The following CRLF3 variants were observed in gnomAD, a reference collection of about 807,000 sequenced individuals.
CRLF3 encodes the protein cytokine receptor like factor 3, also known as cytokine receptor-like factor 3.
In CRLF3, 33 loss-of-function variants were observed where a neutral mutation model predicts 55.0. The observed-to-expected ratio is 0.60, with a 90% CI of 0.46 to 0.80. CRLF3 has a LOEUF of 0.80. Ranked by LOEUF, CRLF3 falls within the 30% of genes least tolerant of loss-of-function variation. CRLF3 has a pLI of 0.00. For missense variants in CRLF3, 494 were observed against 538.4 expected (o/e 0.92, Z 0.82); for synonymous variants, 238 against 196.8 (o/e 1.21, Z -1.75).
At chr17:30,793,318 T>C (rs1287106652) in intron 5 of CRLF3, 132 bp downstream of exon 5, 8 of 653,304 alleles carry the variant, frequency 1.2e-5, no homozygotes, top group East Asian at 8.2e-5. Context: ...GTAAAAGACA[T>C]GGTGCATGTT....
At chr17:30,791,916 A>C (rs1324125830) in intron 6 of CRLF3, among the ~76,000 whole-genome samples, 1 of 150,804 alleles carries the variant, frequency 6.6e-6, no homozygotes, top group East Asian at 2.0e-4. Context: ...GCATGATCTC[A>C]GCTCACTGCA....
rs1227243033 is a variant in CRLF3 at position 30,783,677 on chromosome 17, A to G, written c.*510T>C. 1 of 152,508 alleles carries G rather than the reference A, an allele frequency of 6.6e-6. No individual in the cohort carries two copies. Among genetic ancestry groups the G allele is most frequent in the African/African-American group, 2.4e-5 (1 of 41,450 alleles). 9.4% of individuals were successfully genotyped at this position (152,508 alleles called of 1,614,324 possible). ...CTTAAAGATTACTGAAGAGGGGATAAAAGTCAACACTGCTTACAAATACCT... is the reference window on the plus strand; with the variant it reads ...CTTAAAGATTACTGAAGAGGGGATAGAAGTCAACACTGCTTACAAATACCT... On this transcript the variant is annotated 3_prime_UTR_variant, in exon 8 of 8. Transcript: ENST00000324238.
chr17:30,793,904 T>C (rs1211638626), intron 4 of CRLF3, among the ~76,000 whole-genome samples: 1 of 152,058 alleles, frequency 6.6e-6, no homozygotes, highest in Non-Finnish European at 1.5e-5. Context: ...AGTGGCGTGA[T>C]CTCGGCTTAT....
intron 1 of CRLF3, among the ~76,000 whole-genome samples, chr17:30,815,613 G>A (rs903054786): frequency 6.2e-5 from 9 of 145,432 alleles, no homozygotes; most frequent in Non-Finnish European, 1.2e-4. Flanking sequence ...GCGCAATCTC[G>A]GCTCACTGCA....
intron 1 of CRLF3, among the ~76,000 whole-genome samples, chr17:30,805,139 C>T (rs191399988): frequency 3.0e-4 from 45 of 152,070 alleles, no homozygotes; most frequent in African/African-American, 1.1e-3. Flanking sequence ...TCCAAGATTG[C>T]GCCACTGCAC....
intron 4 of CRLF3, among the ~76,000 whole-genome samples, chr17:30,795,655 G>C (rs74701527): frequency 1.3e-5 from 2 of 151,862 alleles, no homozygotes; most frequent in Non-Finnish European, 2.9e-5. Context: ...AAAAAAAAAG[G>C]CCAGGCACGG....
At chr17:30,791,000 C>G (rs993107748) in intron 6 of CRLF3, 1 of 152,226 alleles carries the variant, frequency 6.6e-6, no homozygotes, top group African/African-American at 2.4e-5. Flanking sequence ...CTCACTGTAA[C>G]CTCTGCCTCC....
chr17:30,821,261 G>T (rs1904987810), intron 1 of CRLF3, among the ~76,000 whole-genome samples: 1 of 150,588 alleles, frequency 6.6e-6, no homozygotes, highest in South Asian at 2.1e-4. Flanking sequence ...GATCACTTGA[G>T]CCTGAGAGGC....
chr17:30,811,027 T>TC (rs1904599927), intron 1 of CRLF3, among the ~76,000 whole-genome samples: 2 of 152,080 alleles, frequency 1.3e-5, no homozygotes, highest in African/African-American at 4.8e-5. Context: ...AGGTTGAGGC[T>TC]TCAGTGGGTG....
rs558894208 is a variant in CRLF3 at position 30,785,791 on chromosome 17, A to C, written c.1072+128T>G. 5.1e-6 allele frequency: 3 copies of C among 584,790 alleles called. No individual in the cohort carries two copies. In the Admixed American group the frequency reaches 9.6e-5, roughly 19 times the overall value. The allele number at this position is 584,790 out of a possible 1,614,324, so 36.2% of individuals were successfully genotyped here. A position where few individuals can be genotyped will look rare whatever the true frequency, so the allele number is the denominator to read the frequency against. On this transcript the variant is annotated intron_variant, in intron 7 of 7. Coordinates refer to ENST00000324238, the MANE Select transcript of CRLF3 (RefSeq NM_015986.4). ...AGTGAGACTTCATAATAAAAAAAAAAAAAAAGAAAAAGAAAAATACCTAAA... is the reference window on the plus strand; with the variant it reads ...AGTGAGACTTCATAATAAAAAAAAACAAAAAGAAAAAGAAAAATACCTAAA...
chr17:30,797,805 T>G (rs1273204892), intron 2 of CRLF3, among the ~76,000 whole-genome samples: 4 of 150,444 alleles, frequency 2.7e-5, no homozygotes, highest in East Asian at 3.9e-4. Flanking sequence ...GACTGGGTCT[T>G]GTTCTGTCAC....
At chr17:30,802,928 G>T (rs1178377640) in intron 2 of CRLF3, among the ~76,000 whole-genome samples, 1 of 151,982 alleles carries the variant, frequency 6.6e-6, no homozygotes, top group Admixed American at 6.6e-5. Flanking sequence ...ACTTTGGGAG[G>T]CCAAGATGAG....
At chr17:30,785,777 A>G (rs533964588) in intron 7 of CRLF3, 142 bp downstream of exon 7, 2 of 560,514 alleles carry the variant, frequency 3.6e-6, no homozygotes, top group Admixed American at 3.3e-5. Context: ...GTGAGACTTC[A>G]TAATAAAAAA....
At chr17:30,793,399 G>C in intron 5 of CRLF3, 51 bp downstream of exon 5, 1 of 1,366,444 alleles carries the variant, frequency 7.3e-7, no homozygotes, top group Non-Finnish European at 1.0e-6. Context: ...ACAGAATACA[G>C]GTATTCTAAT....
intron 6 of CRLF3, 145 bp downstream of exon 6, chr17:30,792,295 A>G: frequency 4.8e-6 from 3 of 628,414 alleles, no homozygotes; most frequent in Admixed American, 2.8e-5. Flanking sequence ...AACTACAGCT[A>G]CAGGAAATAA....
chr17:30,790,770 C>T (rs1971780934), intron 6 of CRLF3: 1 of 151,916 alleles, frequency 6.6e-6, no homozygotes, highest in Non-Finnish European at 1.5e-5. Context: ...GCGCACCTCA[C>T]CACACCCAGC....
chr17:30,793,824 C>G, intron 4 of CRLF3, 152 bp from the exon 5 acceptor site: 1 of 608,906 alleles, frequency 1.6e-6, no homozygotes, highest in Non-Finnish European at 2.9e-6. Flanking sequence ...AGAAAATATG[C>G]CATCACATCA....
chr17:30,820,985 G>T (rs1374718091), intron 1 of CRLF3, among the ~76,000 whole-genome samples: 1 of 151,828 alleles, frequency 6.6e-6, no homozygotes, highest in African/African-American at 2.4e-5. Flanking sequence ...AGCCTAGGAA[G>T]TCGAGGCTGC....
At chr17:30,821,339 C>CAAAAAAA (rs112600272) in intron 1 of CRLF3, among the ~76,000 whole-genome samples, 1 of 116,184 alleles carries the variant, frequency 8.6e-6, no homozygotes, top group African/African-American at 2.9e-5. Context: ...GGTCCTTTCT[C>CAAAAAAA]AAAAAAAAAA....
Sources: allele counts gnomAD v4.1 joint callset (sites outside exome capture counted in the v4.1 genomes callset), GRCh38; gene constraint gnomAD v4.1.1; transcripts MANE v1.5; gene names NCBI Gene and HGNC (gene_info 2026-07-23, HGNC 2026-07-21).